Variants in COQ7 observed in about 807,000 individuals in gnomAD.
The protein encoded by COQ7 is coenzyme Q7, hydroxylase.
Under a neutral mutation model 25.0 loss-of-function variants are expected in COQ7, and 21 were observed. The observed-to-expected ratio is 0.84, with a 90% CI of 0.60 to 1.21. The LOEUF is 1.21. Among genes scored for constraint, COQ7 ranks in the 50% most tolerant of loss-of-function variants. The pLI, the probability that COQ7 is intolerant of heterozygous loss-of-function variation, is 0.00. For missense variants in COQ7, 311 were observed against 296.2 expected (o/e 1.05, Z -0.37); for synonymous variants, 125 against 112.4 (o/e 1.11, Z -0.71).
chr16:19,068,041 G>C (rs1962325342), intron 1 of COQ7: 2 of 1,251,570 alleles, frequency 1.6e-6, no homozygotes, highest in African/African-American at 1.6e-5. Flanking sequence ...AGGACAGTTG[G>C]CGACACTGAA....
downstream of COQ7, among the ~76,000 whole-genome samples, chr16:19,080,783 C>T (rs1031825958): frequency 6.6e-6 from 1 of 152,058 alleles, no homozygotes; most frequent in African/African-American, 2.4e-5. Flanking sequence ...TTGTAAACCA[C>T]AGAAATAACG....
downstream of COQ7, chr16:19,080,233 G>A (rs1161743319): frequency 1.3e-5 from 2 of 152,192 alleles, no homozygotes; most frequent in African/African-American, 4.8e-5. Flanking sequence ...GACATTAATA[G>A]TAGACTGATG....
rs1233355136 is a variant in COQ7, at chr16:19,067,742, A to G, written c.73+5A>G. The G allele has an allele frequency of 6.9e-6, 11 of 1,600,354 alleles. No individual in the cohort carries two copies. Among genetic ancestry groups the G allele is most frequent in the Middle Eastern group, 3.6e-4 (2 of 5,578 alleles). Reference sequence around the variant, plus strand: ...GGGCCCGGCGGTCCCTCTCAGGTAAAAGGAGGCGCGCAGTCACAGTCCTGC... The same window carrying G: ...GGGCCCGGCGGTCCCTCTCAGGTAAGAGGAGGCGCGCAGTCACAGTCCTGC... On this transcript the variant is annotated splice_donor_5th_base_variant and intron_variant, in intron 1 of 5. Transcript: ENST00000321998.
chr16:19,074,112 A>T (rs565384253), intron 3 of COQ7, 77 bp downstream of exon 3: 7 of 1,103,564 alleles, frequency 6.3e-6, no homozygotes, highest in Non-Finnish European at 9.3e-6. Context: ...CATGTTCACA[A>T]TTCTTGCTGT....
chr16:19,071,728 A>C, intron 1 of COQ7, 200 bp from the exon 2 acceptor site: 1 of 600,530 alleles, frequency 1.7e-6, no homozygotes, highest in Non-Finnish European at 2.9e-6. Flanking sequence ...TCATACACTT[A>C]AAGTGAAACC....
chr16:19,080,657 T>G (rs1336797480), downstream of COQ7, among the ~76,000 whole-genome samples: 5 of 152,096 alleles, frequency 3.3e-5, no homozygotes, highest in Admixed American at 3.3e-4. Flanking sequence ...GGTTACATTT[T>G]AGTGAATAAC....
chr16:19,067,750 G>T lies in COQ7; in HGVS notation c.73+13G>T, dbSNP rs1962299282. On this transcript the variant is annotated intron_variant, in intron 1 of 5. Transcript: ENST00000321998. ...CGGTCCCTCTCAGGTAAAAGGAGGC[G>T]CGCAGTCACAGTCCTGCGCCGGTCT... 1 of 1,598,586 alleles carries T rather than the reference G, an allele frequency of 6.3e-7. No individual in the cohort carries two copies. The highest frequency in any genetic ancestry group is 1.3e-5 in the African/African-American group (1 of 74,342).
chr16:19,068,861 G>T (rs1380040047), intron 1 of COQ7: 1 of 450,396 alleles, frequency 2.2e-6, no homozygotes, highest in Non-Finnish European at 4.4e-6. Flanking sequence ...GGAAGCCAGT[G>T]CCACTTGCCA....
Position 19,080,019 on chromosome 16 carries a change from G to A in COQ7, c.*1861G>A, listed in dbSNP as rs1316828796. 1 of 152,196 alleles carries A rather than the reference G, an allele frequency of 6.6e-6. No individual in the cohort carries two copies. Among genetic ancestry groups the A allele is most frequent in the Non-Finnish European group, 1.5e-5 (1 of 68,040 alleles). 9.4% of individuals were successfully genotyped at this position (152,196 alleles called of 1,614,324 possible). ...AATAAATGCTGTGTGTGAACACGTT[G>A]ATTAAATTCAAAAGGGTATTATTTG... is the stretch of plus-strand genomic sequence containing the variant. On this transcript the variant is annotated 3_prime_UTR_variant, in exon 6 of 6. Coordinates refer to ENST00000321998, the MANE Select transcript of COQ7 (RefSeq NM_016138.5).
chr16:19,072,201 G>A, intron 2 of COQ7, 95 bp downstream of exon 2: 18 of 1,455,032 alleles, frequency 1.2e-5, no homozygotes, highest in Non-Finnish European at 1.6e-5. Context: ...GCGTTCCCTA[G>A]GGAGATGCCA....
chr16:19,077,356 C>T lies in COQ7; in HGVS notation c.558C>T (p.Leu186=), dbSNP rs772249699. Residue 186 remains leucine, a synonymous_variant, in exon 5 of 6, where the codon CTC becomes CTT. Transcript: ENST00000321998. ...AGCTTGAGCACCATGACATAGGCCT[C>T]GACCATGATGCAGAATTGGTAGGGC... is the stretch of plus-strand genomic sequence containing the variant. ...DEELEHHDIG[L]DHDAELAPAY... The T allele has an allele frequency of 3.6e-5, 58 of 1,614,048 alleles. No individual in the cohort carries two copies. The highest frequency in any genetic ancestry group is 1.6e-4 in the Middle Eastern group (1 of 6,062).
At chr16:19,081,160 A>G (rs1267520686), downstream of COQ7, among the ~76,000 whole-genome samples, 1 of 152,162 alleles carries the variant, frequency 6.6e-6, no homozygotes. Flanking sequence ...TTAACAATTG[A>G]GTAAGGTATA....
chr16:19,071,552 G>A (rs1463023747), intron 1 of COQ7, among the ~76,000 whole-genome samples: 1 of 152,230 alleles, frequency 6.6e-6, no homozygotes, highest in Non-Finnish European at 1.5e-5. Context: ...GAGATTGACT[G>A]GGGAAGAGCA....
At chr16:19,068,522 G>A (rs762069779) in intron 1 of COQ7, 1 of 347,938 alleles carries the variant, frequency 2.9e-6, no homozygotes, top group Non-Finnish European at 4.1e-6. Flanking sequence ...CGTGATGGCA[G>A]GTGCCTGTAA....
intron 1 of COQ7, chr16:19,068,205 C>T (rs1048261182): frequency 2.0e-6 from 2 of 1,024,412 alleles, no homozygotes; most frequent in African/African-American, 3.5e-5. Flanking sequence ...TGGTCGGTAT[C>T]TGTGATCTGT....
chr16:19,082,957 A>C (rs928620235), downstream of COQ7, among the ~76,000 whole-genome samples: 1 of 151,898 alleles, frequency 6.6e-6, no homozygotes, highest in Non-Finnish European at 1.5e-5. Context: ...AGGGGCGGGG[A>C]TGGGGAGAAA....
rs528103284 is a variant in COQ7, at chr16:19,070,092, C to G, written c.74-1836C>G. ...AGCCACCACACCCGGCCTATGCAGTCTCTTTAGTCAGATATGCTCAGTGAG... is the reference window on the plus strand; with the variant it reads ...AGCCACCACACCCGGCCTATGCAGTGTCTTTAGTCAGATATGCTCAGTGAG... On this transcript the variant is annotated intron_variant, in intron 1 of 5. Transcript: ENST00000321998. Among the ~76,000 whole-genome samples, 6 of 152,246 alleles carry G rather than the reference C, an allele frequency of 3.9e-5. No homozygotes were observed. The South Asian group carries it at 6.2e-4, about 16-fold the overall frequency.
downstream of COQ7, among the ~76,000 whole-genome samples, chr16:19,082,378 C>T (rs149119085): frequency 1.4e-3 from 210 of 152,240 alleles, no homozygotes; most frequent in African/African-American, 4.9e-3. Flanking sequence ...TGCCTGTCAT[C>T]TCAGCACTTT....
At position 19,075,734 on chromosome 16, in the gene COQ7, C is replaced by T; in HGVS notation, c.381C>T (p.Ala127=). ...VLGFALGAGT[A]LLGKEGAMAC... is the part of the protein sequence containing the mutation. The stretch of plus-strand genomic sequence containing the variant: ...TAACAATCCCAGGGGCGGGGACCGC[C>T]TTGCTCGGGAAGGAAGGTGCCATGG... The change falls in exon 4 of 6, where the codon GCC becomes GCT. Residue 127 remains alanine (A), a synonymous_variant. Transcript: ENST00000321998. 6.3e-7 allele frequency: 1 copy of T among 1,585,282 alleles called. No individual in the cohort carries two copies. Among genetic ancestry groups the T allele is most frequent in the Non-Finnish European group, 8.6e-7 (1 of 1,167,232 alleles).
Sources: gnomAD v4.1 joint callset for allele counts (sites outside exome capture counted in the v4.1 genomes callset) on GRCh38, gnomAD v4.1.1 for gene constraint, MANE v1.5 for transcripts, NCBI Gene and HGNC (gene_info 2026-07-23, HGNC 2026-07-21) for gene names.